The following LRRC3B variants were observed in gnomAD, a reference collection of about 807,000 sequenced individuals.
The protein encoded by LRRC3B is leucine-rich repeat-containing protein 3B.
Under a neutral mutation model 12.8 loss-of-function variants are expected in LRRC3B, and 2 were observed. That is an observed-to-expected ratio of 0.16 (90% CI 0.06 to 0.49). The LOEUF (loss-of-function observed/expected upper bound fraction) is 0.49. LRRC3B is among the 20% of genes least tolerant of loss of function. LRRC3B has a pLI of 0.96. For synonymous variants in LRRC3B, 132 were observed against 122.0 expected, an observed-to-expected ratio of 1.08 and a Z score of -0.54; for missense variants, 189 against 319.4, an observed-to-expected ratio of 0.59 and a Z score of 3.11.
At chr3:26,663,209 A>G (rs1256119665) in intron 1 of LRRC3B, among the ~76,000 whole-genome samples, 1 of 151,998 alleles carries the variant, frequency 6.6e-6, no homozygotes, top group East Asian at 1.9e-4. Context: ...CTCTGGCAAT[A>G]TTTTTGTGCC....
intron 1 of LRRC3B, among the ~76,000 whole-genome samples, chr3:26,667,930 T>A (rs1457027375): frequency 6.6e-6 from 1 of 151,890 alleles, no homozygotes; most frequent in Non-Finnish European, 1.5e-5. Flanking sequence ...TTTATTTTTT[T>A]ATTTTATTAT....
At chr3:26,646,979 A>G (rs534446259) in intron 1 of LRRC3B, among the ~76,000 whole-genome samples, 5 of 152,156 alleles carry the variant, frequency 3.3e-5, no homozygotes, top group African/African-American at 9.6e-5. Context: ...TTTTTACTCA[A>G]GTGCGTAGCT....
intron 1 of LRRC3B, among the ~76,000 whole-genome samples, chr3:26,647,757 G>A (rs73148441): frequency 7.0e-4 from 106 of 152,248 alleles, no homozygotes; most frequent in African/African-American, 2.4e-3. Flanking sequence ...CTCCTAGCTT[G>A]GAAATTGCCA....
intron 1 of LRRC3B, among the ~76,000 whole-genome samples, chr3:26,670,483 C>T (rs1263720460): frequency 1.3e-5 from 2 of 152,140 alleles, no homozygotes; most frequent in African/African-American, 4.8e-5. Context: ...TTTCTTCTTT[C>T]TGAGCACCGG....
intron 1 of LRRC3B, among the ~76,000 whole-genome samples, chr3:26,708,796 A>G (rs1385489692): frequency 1.3e-5 from 2 of 152,132 alleles, no homozygotes; most frequent in Non-Finnish European, 2.9e-5. Flanking sequence ...TAAAAAAGTC[A>G]TGGAGGTGTG....
chr3:26,684,147 A>G (rs570506089), intron 1 of LRRC3B, among the ~76,000 whole-genome samples: 1 of 152,328 alleles, frequency 6.6e-6, no homozygotes, highest in East Asian at 1.9e-4. Flanking sequence ...ACGTTTTTTA[A>G]AAACAAAGTT....
rs551750705 is a variant in LRRC3B, at chr3:26,692,812, G to C, written c.-160-16701G>C. ...GGCATTTATTATTGCTCACAAATCC[G>C]TGAGTAGCTTGGTGGTTCTTCTAGT... On this transcript the variant is annotated intron_variant, in intron 1 of 1. Coordinates refer to ENST00000396641, the Ensembl canonical transcript of LRRC3B. Among the ~76,000 whole-genome samples the C allele has an allele frequency of 4.3e-4, 66 of 152,290 alleles. 1 individual carries two copies. Among genetic ancestry groups the C allele is most frequent in the South Asian group, 1.9e-3 (9 of 4,830 alleles).
chr3:26,668,672 G>GTTGT (rs1281715726), intron 1 of LRRC3B, among the ~76,000 whole-genome samples: 1 of 151,966 alleles, frequency 6.6e-6, no homozygotes, highest in Non-Finnish European at 1.5e-5. Context: ...TTGCTTTTTT[G>GTTGT]TTGTTTATTT....
At chr3:26,666,995 C>A (rs2125427563) in intron 1 of LRRC3B, among the ~76,000 whole-genome samples, 1 of 152,020 alleles carries the variant, frequency 6.6e-6, no homozygotes, top group East Asian at 1.9e-4. Context: ...ACAACTTTTG[C>A]CAGCAACAAC....
At chr3:26,627,174 C>G (rs891563727) in intron 1 of LRRC3B, among the ~76,000 whole-genome samples, 1 of 152,166 alleles carries the variant, frequency 6.6e-6, no homozygotes, top group Non-Finnish European at 1.5e-5. Context: ...TTTCATATAC[C>G]TTTAAGCGTT....
intron 1 of LRRC3B, among the ~76,000 whole-genome samples, chr3:26,629,576 A>G (rs572642338): frequency 3.3e-5 from 5 of 152,328 alleles, no homozygotes; most frequent in Admixed American, 6.5e-5. Flanking sequence ...CACTGAGAAG[A>G]GTCCTGGTCC....
chr3:26,683,084 G>A (rs1316542415), intron 1 of LRRC3B, among the ~76,000 whole-genome samples: 1 of 152,084 alleles, frequency 6.6e-6, no homozygotes, highest in African/African-American at 2.4e-5. Flanking sequence ...GATGTTCTGG[G>A]ACTTCTAGGG....
chr3:26,647,414 A>G (rs559263375), intron 1 of LRRC3B, among the ~76,000 whole-genome samples: 2 of 152,314 alleles, frequency 1.3e-5, no homozygotes, highest in South Asian at 4.1e-4. Flanking sequence ...TAGTTGCTCA[A>G]CAAATATTTT....
At chr3:26,642,542 G>C (rs1699052598) in intron 1 of LRRC3B, among the ~76,000 whole-genome samples, 1 of 152,134 alleles carries the variant, frequency 6.6e-6, no homozygotes, top group Admixed American at 6.5e-5. Flanking sequence ...AGAATGACTT[G>C]GCCAAATGAA....
At chr3:26,691,745 G>A (rs1464470655) in intron 1 of LRRC3B, among the ~76,000 whole-genome samples, 1 of 152,146 alleles carries the variant, frequency 6.6e-6, no homozygotes, top group South Asian at 2.1e-4. Context: ...CTTCAGTCGT[G>A]GATAATGGAC....
At chr3:26,644,943 T>C (rs1699111262) in intron 1 of LRRC3B, among the ~76,000 whole-genome samples, 1 of 152,128 alleles carries the variant, frequency 6.6e-6, no homozygotes. Flanking sequence ...TATACACATA[T>C]ACATATGCAT....
At chr3:26,699,324 A>C (rs1700396305) in intron 1 of LRRC3B, among the ~76,000 whole-genome samples, 1 of 152,180 alleles carries the variant, frequency 6.6e-6, no homozygotes, top group African/African-American at 2.4e-5. Context: ...TTTTTGAAGC[A>C]CATTTCACAC....
chr3:26,661,090 A>G (rs781200012), intron 1 of LRRC3B, among the ~76,000 whole-genome samples: 5 of 152,204 alleles, frequency 3.3e-5, no homozygotes, highest in African/African-American at 7.2e-5. Context: ...AAATCAGCCA[A>G]TAGAAGTGCT....
At chr3:26,655,257 C>T (rs1699349971) in intron 1 of LRRC3B, among the ~76,000 whole-genome samples, 1 of 152,042 alleles carries the variant, frequency 6.6e-6, no homozygotes, top group African/African-American at 2.4e-5. Flanking sequence ...GTAGATATTA[C>T]AAGAAAGAAA....
Sources: allele counts gnomAD v4.1 joint callset (sites outside exome capture counted in the v4.1 genomes callset), GRCh38; gene constraint gnomAD v4.1.1; transcripts MANE v1.5; gene names NCBI Gene and HGNC (gene_info 2026-07-23, HGNC 2026-07-21).